The following DIP2C variants were observed in gnomAD, a reference collection of about 807,000 sequenced individuals.
DIP2C encodes the protein disco-interacting protein 2 homolog C.
In DIP2C, 33 loss-of-function variants were observed where a neutral mutation model predicts 192.4. The ratio of observed to expected loss-of-function variants is 0.17; its 90% CI spans 0.13 to 0.23. DIP2C has a LOEUF of 0.23. DIP2C is among the 10% of genes least tolerant of loss of function. The probability of loss-of-function intolerance (pLI) is 1.00; values close to 1 mark genes in which losing one functional copy is unlikely to be tolerated. For synonymous variants in DIP2C, 979 were observed against 864.1 expected (o/e 1.13, Z -2.33); for missense variants, 1,537 against 2,110.1 (o/e 0.73, Z 5.32).
intron 1 of DIP2C, among the ~76,000 whole-genome samples, chr10:581,806 A>G (rs942424894): frequency 6.6e-6 from 1 of 152,148 alleles, no homozygotes; most frequent in Non-Finnish European, 1.5e-5. Context: ...CCCACCTTTC[A>G]AAATCTAATC....
intron 1 of DIP2C, among the ~76,000 whole-genome samples, chr10:653,078 C>G (rs1286605428): frequency 6.6e-6 from 1 of 152,086 alleles, no homozygotes. Context: ...CCAGACCAGC[C>G]CCAGAACAGA....
At chr10:524,868 A>AC (rs368359292) in intron 1 of DIP2C, among the ~76,000 whole-genome samples, 47 of 151,662 alleles carry the variant, frequency 3.1e-4, no homozygotes, top group African/African-American at 1.1e-3. Context: ...AATGATGTCC[A>AC]CCTCTCTATA....
rs1480933029 is a variant in DIP2C at position 689,003 on chromosome 10, C to T, written c.85+491G>A. Among the ~76,000 whole-genome samples the T allele has an allele frequency of 6.6e-6, 1 of 152,186 alleles. No individual in the cohort carries two copies. The highest frequency in any genetic ancestry group is 6.5e-5 in the Admixed American group (1 of 15,282). ...TGAAATCTGGCCGGGCGTTCCAGGCCGAACCCGCCAGCGAGGAGGTGGCGC... is the reference window on the plus strand; with the variant it reads ...TGAAATCTGGCCGGGCGTTCCAGGCTGAACCCGCCAGCGAGGAGGTGGCGC... On this transcript the variant is annotated intron_variant, in intron 1 of 36. Transcript: ENST00000280886. This position sits in a 1 kb window ranked among gnomAD's most constrained non-coding sequence, Gnocchi z 6.1.
chr10:378,271 G>A (rs1338950782), intron 17 of DIP2C, among the ~76,000 whole-genome samples: 2 of 152,236 alleles, frequency 1.3e-5, no homozygotes, highest in African/African-American at 2.4e-5. Context: ...TAGCAAGACT[G>A]AGCAGACTTC....
chr10:586,423 A>T (rs1851026525), intron 1 of DIP2C, among the ~76,000 whole-genome samples: 1 of 151,946 alleles, frequency 6.6e-6, no homozygotes, highest in South Asian at 2.1e-4. Context: ...CACCAACCTC[A>T]CGCCACCACC....
intron 36 of DIP2C, among the ~76,000 whole-genome samples, chr10:278,864 TGAG>T (rs1283930199): frequency 6.6e-6 from 1 of 152,124 alleles, no homozygotes; most frequent in East Asian, 1.9e-4. Context: ...TCTGCTTGGC[TGAG>T]GAGGCCAGAA....
intron 1 of DIP2C, among the ~76,000 whole-genome samples, chr10:683,351 C>G (rs556852228): frequency 7.9e-5 from 12 of 152,348 alleles, no homozygotes; most frequent in Admixed American, 5.9e-4. Flanking sequence ...TTAAAGGGCA[C>G]TGTTTATGAT....
intron 1 of DIP2C, among the ~76,000 whole-genome samples, chr10:493,029 C>T (rs962411168): frequency 2.0e-5 from 3 of 152,220 alleles, no homozygotes; most frequent in Non-Finnish European, 2.9e-5. Flanking sequence ...GTGTGCCGCG[C>T]GGAGCAGAGG....
intron 1 of DIP2C, among the ~76,000 whole-genome samples, chr10:508,691 G>A (rs12246490): frequency 0.13 from 19,276 of 152,004 alleles, 2,411 homozygotes; most frequent in African/African-American, 0.32. Flanking sequence ...TTTGGTCAAC[G>A]TAAGAAAAAA....
At chr10:364,329 T>A (rs906640879) in intron 20 of DIP2C, 45 bp downstream of exon 20, 2 of 1,576,786 alleles carry the variant, frequency 1.3e-6, no homozygotes, top group Non-Finnish European at 1.7e-6. Flanking sequence ...ATAAAAAATA[T>A]GGCCGACCGG....
intron 4 of DIP2C, among the ~76,000 whole-genome samples, chr10:436,665 T>C (rs1967238330): frequency 6.9e-6 from 1 of 144,988 alleles, no homozygotes; most frequent in South Asian, 2.2e-4. Context: ...ACACCTGAGC[T>C]CTCTCCAAGC....
intron 1 of DIP2C, among the ~76,000 whole-genome samples, chr10:580,002 G>A (rs999884410): frequency 3.3e-5 from 5 of 151,942 alleles, no homozygotes; most frequent in African/African-American, 9.7e-5. Context: ...ACTATAACAT[G>A]TATGTACATG....
intron 8 of DIP2C, among the ~76,000 whole-genome samples, chr10:410,278 C>A (rs1965100498): frequency 6.6e-6 from 1 of 152,200 alleles, no homozygotes; most frequent in African/African-American, 2.4e-5. Flanking sequence ...AATGTTTCTT[C>A]ATTTTACTGA....
rs186782192 is a variant in DIP2C, at chr10:646,213, T to C, written c.85+43281A>G. Among the ~76,000 whole-genome samples, 160 of 152,248 alleles carry C rather than the reference T, an allele frequency of 1.1e-3. 1 individual carries two copies. The highest frequency in any genetic ancestry group is 2.0e-3 in the Non-Finnish European group (135 of 68,020). On this transcript the variant is annotated intron_variant, in intron 1 of 36. Coordinates refer to ENST00000280886, the MANE Select transcript of DIP2C (RefSeq NM_014974.3). ...TGGTGCAGAGCTGACGACAGGCCCA[T>C]CTATAAAAACCCCAAGGGCTGTTTC... is the stretch of plus-strand genomic sequence containing the variant.
chr10:374,446 C>T (rs1961331519), intron 17 of DIP2C, among the ~76,000 whole-genome samples: 2 of 152,168 alleles, frequency 1.3e-5, no homozygotes, highest in Non-Finnish European at 2.9e-5. Flanking sequence ...GCACAGCAAC[C>T]CTGTGGAGAT....
At chr10:430,881 AT>A (rs1292026387) in intron 4 of DIP2C, among the ~76,000 whole-genome samples, 1 of 152,188 alleles carries the variant, frequency 6.6e-6, no homozygotes, top group Non-Finnish European at 1.5e-5. Context: ...GATCTGTTTA[AT>A]TTTTTTGAAA....
chr10:593,004 C>A (rs1173775171), intron 1 of DIP2C, among the ~76,000 whole-genome samples: 1 of 152,140 alleles, frequency 6.6e-6, no homozygotes, highest in African/African-American at 2.4e-5. Context: ...GAAATACAGC[C>A]ATAAAACTGG....
chr10:382,834 T>C (rs879121993), intron 16 of DIP2C, 73 bp from the exon 17 acceptor site: 8 of 1,128,814 alleles, frequency 7.1e-6, no homozygotes, highest in Non-Finnish European at 7.5e-6. Context: ...CCATAGAAAA[T>C]AGTTCCGAAG....
intron 3 of DIP2C, among the ~76,000 whole-genome samples, chr10:466,399 TAA>T (rs1970203009): frequency 7.4e-6 from 1 of 135,136 alleles, no homozygotes; most frequent in African/African-American, 2.7e-5. Context: ...CAAGATGGAT[TAA>T]AGACTTAAAC....
Sources: gnomAD v4.1 joint callset for allele counts (sites outside exome capture counted in the v4.1 genomes callset) on GRCh38, gnomAD v4.1.1 for gene constraint, Gnocchi (gnomAD v3.1) non-coding constraint, MANE v1.5 for transcripts, NCBI Gene and HGNC (gene_info 2026-07-23, HGNC 2026-07-21) for gene names.